NFKB2: variants seen among roughly 807,000 people sequenced by gnomAD.
NFKB2 encodes the protein nuclear factor kappa B subunit 2.
Under a neutral mutation model 109.3 loss-of-function variants are expected in NFKB2, and 21 were observed. The observed-to-expected ratio is 0.19, with a 90% CI of 0.14 to 0.28. The LOEUF (loss-of-function observed/expected upper bound fraction) is 0.28. Ranked by LOEUF, NFKB2 falls within the 10% of genes least tolerant of loss-of-function variation. NFKB2 has a pLI of 1.00. For missense variants in NFKB2, 806 were observed against 1,185.3 expected (o/e 0.68, Z 4.70); for synonymous variants, 478 against 489.9 (o/e 0.98, Z 0.32).
chr10:102,399,307 C>A lies in NFKB2; in HGVS notation c.1137C>A (p.Phe379Leu), dbSNP rs920445238. 6.3e-7 allele frequency: 1 copy of A among 1,599,070 alleles called. No homozygotes were observed. The highest frequency in any genetic ancestry group is 8.5e-7 in the Non-Finnish European group (1 of 1,173,376). Residue 379 changes from phenylalanine (F) to leucine (L), a missense_variant, in exon 13 of 23, where the codon TTC (phenylalanine) becomes TTA (leucine). By Grantham distance (22) the Phe-to-Leu change is conservative. Around this residue, in one of 10 missense-constraint regions of NFKB2, gnomAD observed 209 missense variants for 211.9 expected, o/e 0.99. Coordinates refer to ENST00000661543, the MANE Select transcript of NFKB2 (RefSeq NM_001322934.2). ...CCACAGGTGGCAGCCTCGGTTTCTTCCCCTCCTCCCTGGCCTACAGCCCCT... is the reference window on the plus strand; with the variant it reads ...CCACAGGTGGCAGCCTCGGTTTCTTACCCTCCTCCCTGGCCTACAGCCCCT... Reference protein sequence around the residue: ...GAGGGGSLGFFPSSLAYSPYQ... With the variant: ...GAGGGGSLGFLPSSLAYSPYQ...
rs1382537100 is a variant in NFKB2, at chr10:102,397,444, G to A, written c.502+36G>A. The A allele has an allele frequency of 1.2e-6, 2 of 1,600,666 alleles. No homozygotes were observed. Among genetic ancestry groups the A allele is most frequent in the Non-Finnish European group, 1.7e-6 (2 of 1,173,344 alleles). On this transcript the variant is annotated intron_variant, in intron 7 of 22. Transcript: ENST00000661543. The surrounding 1 kb of genome is among the most constrained non-coding windows in gnomAD (Gnocchi z 4.7). ...AGGGGGTGGGTCGGGTATGGGTGCA[G>A]GGGGTGGGTGGGTCATGGGAGGTGC...
At chr10:102,395,137 T>C (rs376420719), upstream of NFKB2, among the ~76,000 whole-genome samples, 15 of 132,310 alleles carry the variant, frequency 1.1e-4, no homozygotes, top group Admixed American at 9.9e-4. Flanking sequence ...GAGATCTCCC[T>C]GTCGCCTGCG....
Position 102,400,070 on chromosome 10 carries a change from C to T in NFKB2, c.1470-10C>T. 6.2e-7 allele frequency: 1 copy of T among 1,613,422 alleles called. No individual in the cohort carries two copies. ...GTGGCTGGGCCAGACTCTCGCTCCC[C>T]AACCCCCAGACCACTGCACCTAGCC... On this transcript the variant is annotated splice_polypyrimidine_tract_variant and intron_variant, in intron 14 of 22. Transcript: ENST00000661543. This position sits in a 1 kb window ranked among gnomAD's most constrained non-coding sequence, Gnocchi z 6.3.
chr10:102,402,173 C>T lies in NFKB2; in HGVS notation c.2578+14C>T. 6.4e-7 allele frequency: 1 copy of T among 1,561,182 alleles called. No homozygotes were observed. The highest frequency in any genetic ancestry group is 8.7e-7 in the Non-Finnish European group (1 of 1,152,158). ...TGCCCAGCACAGGTAAAGGGGCCTC[C>T]CTGGAAGGTGGATCTGGACCTGGAG... On this transcript the variant is annotated intron_variant, in intron 22 of 22. Transcript: ENST00000661543.
chr10:102,399,485 A>G lies in NFKB2; in HGVS notation c.1315A>G (p.Met439Val). Residue 439 changes from methionine (M) to valine (V), a missense_variant, in exon 13 of 23, where the codon ATG (methionine) becomes GTG (valine). Coordinates refer to ENST00000661543, the MANE Select transcript of NFKB2 (RefSeq NM_001322934.2). ...CCAGTGCGAGCCGCAGGCCCCGGAG[A>G]TGCTGCAGCGAGGTATGGACTCCGG... is the stretch of plus-strand genomic sequence containing the variant. ...TPQCEPQAPE[M>V]LQRAREYNAR... 6.7e-7 allele frequency: 1 copy of G among 1,496,824 alleles called. No homozygotes were observed. The highest frequency in any genetic ancestry group is 8.9e-7 in the Non-Finnish European group (1 of 1,121,718). 92.7% of individuals were successfully genotyped at this position (1,496,824 alleles called of 1,614,324 possible).
Position 102,399,031 on chromosome 10 carries a change from C to T in NFKB2, c.1117+167C>T. ...AGTTCAAGACCAGCTTGGCCAACAG[C>T]GTGAAACCTCGTCTCTACTAAAAAT... On this transcript the variant is annotated intron_variant, in intron 12 of 22. Transcript: ENST00000661543. The T allele has an allele frequency of 7.7e-6, 6 of 780,004 alleles. No homozygotes were observed. In the South Asian group the frequency reaches 1.1e-4, roughly 14 times the overall value. 48.3% of individuals were successfully genotyped at this position (780,004 alleles called of 1,614,324 possible). A position where few individuals can be genotyped will look rare whatever the true frequency, so the allele number is the denominator to read the frequency against.
Position 102,401,105 on chromosome 10 carries a change from C to T in NFKB2, c.2071+56C>T. On this transcript the variant is annotated intron_variant, in intron 18 of 22. Transcript: ENST00000661543. The surrounding 1 kb of genome is among the most constrained non-coding windows in gnomAD (Gnocchi z 4.2). ...GGGTGGGGGGAAGGGAGAGAGGTGC[C>T]TCCCAGTCCCCCGACTTTGCAGTCC... The T allele has an allele frequency of 5.6e-6, 9 of 1,611,656 alleles. No homozygotes were observed. The highest frequency in any genetic ancestry group is 5.9e-6 in the Non-Finnish European group (7 of 1,178,106).
At chr10:102,399,766 A>C (rs1417071222) in intron 14 of NFKB2, 48 bp downstream of exon 14, 1 of 1,440,288 alleles carries the variant, frequency 6.9e-7, no homozygotes. Context: ...GGGGGCAGGA[A>C]AGGGACCGGC....
In NFKB2 at chr10:102,397,561, A is replaced by G. The variant is rs774146275; in HGVS notation, c.537A>G (p.Lys179=). The change falls in exon 8 of 23, where the codon AAA becomes AAG. Residue 179 remains lysine, a synonymous_variant. Transcript: ENST00000661543. This position sits in a 1 kb window ranked among gnomAD's most constrained non-coding sequence, Gnocchi z 4.7. ...AGCGGGAGCTGGAGCAAGAGGCCAA[A>G]GAACTGAAGAAGGTGATGGATCTGA... ...AEQRELEQEA[K]ELKKVMDLSI... is the part of the protein sequence containing the mutation. 2 of 1,613,886 alleles carry G rather than the reference A, an allele frequency of 1.2e-6. No individual in the cohort carries two copies. The highest frequency in any genetic ancestry group is 1.7e-6 in the Non-Finnish European group (2 of 1,179,762).
Position 102,396,101 on chromosome 10 carries a change from C to A in NFKB2, c.21+121C>A. On this transcript the variant is annotated intron_variant, in intron 2 of 22. Coordinates refer to ENST00000661543, the MANE Select transcript of NFKB2 (RefSeq NM_001322934.2). This position sits in a 1 kb window ranked among gnomAD's most constrained non-coding sequence, Gnocchi z 5.9. ...TCGCAGATGCTCTCAGCCTGCCAGT[C>A]TGTCCATCTGTCTGCAACTCTGCCT... The A allele has an allele frequency of 1.4e-6, 2 of 1,477,400 alleles. No individual in the cohort carries two copies. Among genetic ancestry groups the A allele is most frequent in the Non-Finnish European group, 1.9e-6 (2 of 1,063,446 alleles). The allele number at this position is 1,477,400 out of a possible 1,614,324, so 91.5% of individuals were successfully genotyped here. A position where few individuals can be genotyped will look rare whatever the true frequency, so the allele number is the denominator to read the frequency against.
rs1286435912 is a variant in NFKB2, at chr10:102,399,818, A to G, written c.1469+100A>G. ...CAGTTTTCGGACACGCCAGGCTTCA[A>G]GTCCGGCCTCGGTGTTCACAAGCTC... On this transcript the variant is annotated intron_variant, in intron 14 of 22. Transcript: ENST00000661543. 1.1e-5 allele frequency: 16 copies of G among 1,418,108 alleles called. No individual in the cohort carries two copies. In the South Asian group the frequency reaches 2.1e-4, roughly 18 times the overall value. 87.8% of individuals were successfully genotyped at this position (1,418,108 alleles called of 1,614,324 possible). A position where few individuals can be genotyped will look rare whatever the true frequency, so the allele number is the denominator to read the frequency against.
rs2061236166 is a variant in NFKB2 at position 102,401,167 on chromosome 10, C to G, written c.2072-13C>G. The G allele has an allele frequency of 3.8e-6, 6 of 1,590,112 alleles. No individual in the cohort carries two copies. The highest frequency in any genetic ancestry group is 5.2e-6 in the Non-Finnish European group (6 of 1,164,614). On this transcript the variant is annotated splice_polypyrimidine_tract_variant and intron_variant, in intron 18 of 22. Coordinates refer to ENST00000661543, the MANE Select transcript of NFKB2 (RefSeq NM_001322934.2). This position sits in a 1 kb window ranked among gnomAD's most constrained non-coding sequence, Gnocchi z 4.2. ...CCCCACCATACCGCCCCATGACGGC[C>G]TCCCTCTCCCAGGTGCTGACATCCA...
upstream of NFKB2, among the ~76,000 whole-genome samples, chr10:102,394,999 C>T (rs1415095972): frequency 6.6e-6 from 1 of 151,876 alleles, no homozygotes; most frequent in East Asian, 1.9e-4. Flanking sequence ...CACATGCTCG[C>T]TTGCACACTC....
Position 102,399,517 on chromosome 10 carries a change from G to A in NFKB2, c.1327+20G>A, listed in dbSNP as rs1379197008. On this transcript the variant is annotated intron_variant, in intron 13 of 22. Coordinates refer to ENST00000661543, the MANE Select transcript of NFKB2 (RefSeq NM_001322934.2). ...AGCGAGGTATGGACTCCGGGGCACGGGCGGTCGGGGCGCCGGGGCTGAGGA... is the reference window on the plus strand; with the variant it reads ...AGCGAGGTATGGACTCCGGGGCACGAGCGGTCGGGGCGCCGGGGCTGAGGA... 5.3e-6 allele frequency: 8 copies of A among 1,500,732 alleles called. No individual in the cohort carries two copies. In the East Asian group the frequency reaches 7.8e-5, roughly 15 times the overall value. The allele number at this position is 1,500,732 out of a possible 1,614,324, so 93.0% of individuals were successfully genotyped here.
chr10:102,396,915 C>T lies in NFKB2; in HGVS notation c.255C>T (p.Tyr85=), dbSNP rs766359206. The change falls in exon 6 of 23, where the codon TAC becomes TAT. Residue 85 remains tyrosine (Y), a synonymous_variant. Coordinates refer to ENST00000661543, the MANE Select transcript of NFKB2 (RefSeq NM_001322934.2). The surrounding 1 kb of genome is among the most constrained non-coding windows in gnomAD (Gnocchi z 5.9). ...CCTGCCTCTCCTAGATCTGTAACTACGAGGGACCAGCCAAGATCGAGGTGG... is the reference window on the plus strand; with the variant it reads ...CCTGCCTCTCCTAGATCTGTAACTATGAGGGACCAGCCAAGATCGAGGTGG... ...KTYPTVKICN[Y]EGPAKIEVDL... is the part of the protein sequence containing the mutation. 1.5e-5 allele frequency: 24 copies of T among 1,603,590 alleles called. No homozygotes were observed. Among genetic ancestry groups the T allele is most frequent in the Middle Eastern group, 1.7e-4 (1 of 6,052 alleles).
In NFKB2 at chr10:102,396,876, CCTGA is replaced by C. The variant is rs778787770; in HGVS notation, c.244-22_244-19del. 10 of 1,599,930 alleles carry C rather than the reference CCTGA, an allele frequency of 6.3e-6. No homozygotes were observed. The highest frequency in any genetic ancestry group is 3.3e-5 in the South Asian group (3 of 90,868). ...GCTAAGTGGACAGCATGCCCAAGGC[CCTGA>C]CTGACAGTCCCTGCCTCTCCTAGAT... On this transcript the variant is annotated intron_variant, in intron 5 of 22. Transcript: ENST00000661543. This position sits in a 1 kb window ranked among gnomAD's most constrained non-coding sequence, Gnocchi z 5.9.
Position 102,397,383 on chromosome 10 carries a change from C to G in NFKB2, c.477C>G (p.Leu159=), listed in dbSNP as rs1411469348. The change falls in exon 7 of 23, where the codon CTC becomes CTG. Residue 159 remains leucine (L), a synonymous_variant. Coordinates refer to ENST00000661543, the MANE Select transcript of NFKB2 (RefSeq NM_001322934.2). The surrounding 1 kb of genome is among the most constrained non-coding windows in gnomAD (Gnocchi z 4.7). ...TMIQKLQRQR[L]RSRPQGLTEA... Reference sequence around the variant, plus strand: ...TACAAAAACTTCAGAGGCAGCGGCTCCGCTCTAGGCCCCAGGGCCTTACGG... The same window carrying G: ...TACAAAAACTTCAGAGGCAGCGGCTGCGCTCTAGGCCCCAGGGCCTTACGG... 4 of 1,613,178 alleles carry G rather than the reference C, an allele frequency of 2.5e-6. No individual in the cohort carries two copies. The highest frequency in any genetic ancestry group is 1.3e-5 in the African/African-American group (1 of 74,748).
rs368533449 is a variant in NFKB2 at position 102,401,240 on chromosome 10, C to G, written c.2132C>G (p.Ser711Cys). Residue 711 changes from serine (S) to cysteine (C), a missense_variant, in exon 19 of 23, where the codon TCT becomes TGT. Transcript: ENST00000661543. The surrounding 1 kb of genome is among the most constrained non-coding windows in gnomAD (Gnocchi z 4.2). Reference protein sequence around the residue: ...PLCPLPSPPTSDSDSDSEGPE... With the variant: ...PLCPLPSPPTCDSDSDSEGPE... ...TGCCCACTGCCTTCACCCCCTACCTCTGATAGCGACTCGGACTCTGAAGGG... is the reference window on the plus strand; with the variant it reads ...TGCCCACTGCCTTCACCCCCTACCTGTGATAGCGACTCGGACTCTGAAGGG... 9 of 1,611,510 alleles carry G rather than the reference C, an allele frequency of 5.6e-6. No homozygotes were observed. Among genetic ancestry groups the G allele is most frequent in the East Asian group, 4.5e-5 (2 of 44,852 alleles).
At chr10:102,399,907 G>A in intron 14 of NFKB2, 173 bp from the exon 15 acceptor site, 1 of 1,063,140 alleles carries the variant, frequency 9.4e-7, no homozygotes, top group Non-Finnish European at 1.3e-6. Flanking sequence ...TACAGTCATA[G>A]CACTTACCTA....
Sources: gnomAD v4.1 joint callset for allele counts (sites outside exome capture counted in the v4.1 genomes callset) on GRCh38, gnomAD v4.1.1 for gene constraint, gnomAD v4.1.1 regional missense constraint, Gnocchi (gnomAD v3.1) non-coding constraint, MANE v1.5 for transcripts, NCBI Gene and HGNC (gene_info 2026-07-23, HGNC 2026-07-21) for gene names.